The following SYK variants were observed in gnomAD, a reference collection of about 807,000 sequenced individuals.
SYK encodes spleen associated tyrosine kinase, also known as tyrosine-protein kinase SYK.
SYK carries 16 observed loss-of-function variants against 77.8 expected under a neutral mutation model. That is an observed-to-expected ratio of 0.21 (90% CI 0.14 to 0.31). The LOEUF is 0.31. Ranked by LOEUF, SYK falls within the 10% of genes least tolerant of loss-of-function variation. SYK has a pLI of 1.00. For missense variants in SYK, 529 were observed against 814.4 expected, an observed-to-expected ratio of 0.65 and a Z score of 4.26; for synonymous variants, 312 against 308.7, an observed-to-expected ratio of 1.01 and a Z score of -0.11.
intron 11 of SYK, among the ~76,000 whole-genome samples, chr9:90,887,347 A>G (rs1192117207): frequency 6.7e-6 from 1 of 149,716 alleles, no homozygotes; most frequent in Non-Finnish European, 1.5e-5. Flanking sequence ...TGTTTTAGCT[A>G]TTGGGAATAA....
Position 90,887,657 on chromosome 9 carries a change from C to T in SYK, c.1582-92C>T, listed in dbSNP as rs779545673. ...ATCTCAAGTGATCTGCTCTCCTCAGCCTCCCAAAGTGCTGGGATTACAGGC... is the reference window on the plus strand; with the variant it reads ...ATCTCAAGTGATCTGCTCTCCTCAGTCTCCCAAAGTGCTGGGATTACAGGC... On this transcript the variant is annotated intron_variant, in intron 11 of 13. Transcript: ENST00000375754. 5.7e-6 allele frequency: 8 copies of T among 1,393,412 alleles called. 1 individual carries two copies. The highest frequency in any genetic ancestry group is 7.7e-6 in the Non-Finnish European group (8 of 1,037,318). 86.3% of individuals were successfully genotyped at this position (1,393,412 alleles called of 1,614,324 possible).
chr9:90,873,805 A>G (rs1324313306), intron 7 of SYK, among the ~76,000 whole-genome samples: 1 of 152,224 alleles, frequency 6.6e-6, no homozygotes, highest in African/African-American at 2.4e-5. Context: ...TCCATGTAAT[A>G]TGAAATTGAA....
At chr9:90,865,923 G>T (rs1277378215) in intron 6 of SYK, among the ~76,000 whole-genome samples, 2 of 84,664 alleles carry the variant, frequency 2.4e-5, no homozygotes, top group East Asian at 8.9e-4. Context: ...TTTTGAGACG[G>T]AGTCTCGCTC....
intron 13 of SYK, among the ~76,000 whole-genome samples, chr9:90,893,488 G>C (rs1270715690): frequency 6.6e-6 from 1 of 152,130 alleles, no homozygotes; most frequent in African/African-American, 2.4e-5. Context: ...GAGGGAGGTA[G>C]ATGAAGGGAG....
At chr9:90,859,830 CA>C (rs1328352592) in intron 3 of SYK, among the ~76,000 whole-genome samples, 1 of 152,154 alleles carries the variant, frequency 6.6e-6, no homozygotes, top group Non-Finnish European at 1.5e-5. Context: ...TCATGTTTGC[CA>C]GATGCCTAAT....
chr9:90,818,451 C>T (rs1203541465), intron 1 of SYK, among the ~76,000 whole-genome samples: 2 of 152,156 alleles, frequency 1.3e-5, no homozygotes, highest in African/African-American at 2.4e-5. Flanking sequence ...AGTTATGGGG[C>T]GCCTCCCACG....
chr9:90,809,145 G>A (rs3789890), intron 1 of SYK, among the ~76,000 whole-genome samples: 35,388 of 152,110 alleles, frequency 0.23, 4,178 homozygotes, highest in Middle Eastern at 0.35. Context: ...AGGCTGCATC[G>A]CAGGCCTTGG....
intron 1 of SYK, among the ~76,000 whole-genome samples, chr9:90,827,784 A>C (rs1341327506): frequency 6.6e-6 from 1 of 152,192 alleles, no homozygotes; most frequent in Non-Finnish European, 1.5e-5. Flanking sequence ...GCCTGCAGTT[A>C]TGATGCAGCT....
At chr9:90,808,466 T>G (rs1261925415) in intron 1 of SYK, among the ~76,000 whole-genome samples, 1 of 151,780 alleles carries the variant, frequency 6.6e-6, no homozygotes, top group Non-Finnish European at 1.5e-5. Flanking sequence ...TGTTGGTTTT[T>G]TTTTTTTTTT....
intron 1 of SYK, among the ~76,000 whole-genome samples, chr9:90,816,344 A>G (rs1587812782): frequency 6.6e-6 from 1 of 152,152 alleles, no homozygotes. Context: ...AGACATCAGA[A>G]CCTTCCACAG....
intron 1 of SYK, among the ~76,000 whole-genome samples, chr9:90,833,292 T>C (rs142204947): frequency 7.2e-5 from 11 of 152,340 alleles, no homozygotes; most frequent in Non-Finnish European, 1.6e-4. Flanking sequence ...TGAAGACCCA[T>C]ACTTAAAGTA....
At chr9:90,856,261 G>T (rs1356874952) in intron 3 of SYK, among the ~76,000 whole-genome samples, 4 of 152,054 alleles carry the variant, frequency 2.6e-5, no homozygotes, top group Non-Finnish European at 4.4e-5. Context: ...CTAAGCCAAT[G>T]GTTCTCATGT....
chr9:90,807,614 A>C (rs1034261727), intron 1 of SYK, among the ~76,000 whole-genome samples: 1 of 152,186 alleles, frequency 6.6e-6, no homozygotes, highest in African/African-American at 2.4e-5. Context: ...GCAGTCTTGG[A>C]GGGAAGGCAC....
intron 3 of SYK, among the ~76,000 whole-genome samples, chr9:90,853,653 T>C (rs1194618566): frequency 2.0e-5 from 3 of 152,000 alleles, no homozygotes; most frequent in Non-Finnish European, 4.4e-5. Flanking sequence ...TTCTCACTCA[T>C]AGGTGGGAAC....
chr9:90,852,286 C>T (rs747104795), intron 3 of SYK, among the ~76,000 whole-genome samples: 2 of 152,150 alleles, frequency 1.3e-5, no homozygotes, highest in Non-Finnish European at 2.9e-5. Context: ...AACCTAAGGC[C>T]GTGCAGTCAC....
At chr9:90,821,750 C>G (rs908401689) in intron 1 of SYK, among the ~76,000 whole-genome samples, 2 of 152,148 alleles carry the variant, frequency 1.3e-5, no homozygotes, top group African/African-American at 4.8e-5. Context: ...CTACTTAGTG[C>G]CGTATTTTTT....
intron 1 of SYK, among the ~76,000 whole-genome samples, chr9:90,806,036 TTTA>T (rs1824822631): frequency 6.6e-6 from 1 of 152,236 alleles, no homozygotes; most frequent in African/African-American, 2.4e-5. Context: ...TTTGGTTTAT[TTTA>T]TTATGGTTAT....
rs199976134 is a variant in SYK, at chr9:90,897,605, C to T, written c.*2005C>T. On this transcript the variant is annotated 3_prime_UTR_variant, in exon 14 of 14. Coordinates refer to ENST00000375754, the MANE Select transcript of SYK (RefSeq NM_003177.7). ...TACGGTAGCACCTATGTAGGAAGTGCGTGGAGTTTTCTGTCTTCTTTCTGT... is the reference window on the plus strand; with the variant it reads ...TACGGTAGCACCTATGTAGGAAGTGTGTGGAGTTTTCTGTCTTCTTTCTGT... 6 of 227,934 alleles carry T rather than the reference C, an allele frequency of 2.6e-5. No homozygotes were observed. The highest frequency in any genetic ancestry group is 3.7e-4 in the South Asian group (2 of 5,478). The allele number at this position is 227,934 out of a possible 1,614,324, so 14.1% of individuals were successfully genotyped here.
intron 1 of SYK, among the ~76,000 whole-genome samples, chr9:90,838,139 G>C (rs988444558): frequency 6.6e-6 from 1 of 152,194 alleles, no homozygotes; most frequent in Non-Finnish European, 1.5e-5. Flanking sequence ...CACATCCAAG[G>C]GGGGACGTCA....
Sources: allele counts gnomAD v4.1 joint callset (sites outside exome capture counted in the v4.1 genomes callset), GRCh38; gene constraint gnomAD v4.1.1; transcripts MANE v1.5; gene names NCBI Gene and HGNC (gene_info 2026-07-23, HGNC 2026-07-21).